AGBL1: variants seen among roughly 807,000 people sequenced by gnomAD.
The protein encoded by AGBL1 is cytosolic carboxypeptidase 4.
In AGBL1, 130 loss-of-function variants were observed where a neutral mutation model predicts 118.9. The ratio of observed to expected loss-of-function variants is 1.09; its 90% CI spans 0.95 to 1.26. The LOEUF (loss-of-function observed/expected upper bound fraction) is 1.26, where lower values mean the gene tolerates loss of function less well. AGBL1 is among the 50% of genes most tolerant of loss of function. The pLI is 0.00. For missense variants in AGBL1, 1,584 were observed against 1,298.1 expected (o/e 1.22, Z -3.38); for synonymous variants, 555 against 478.9 (o/e 1.16, Z -2.08).
chr15:86,624,988 C>T (rs998516), intron 21 of AGBL1, among the ~76,000 whole-genome samples: 34,255 of 152,068 alleles, frequency 0.23, 4,573 homozygotes, highest in East Asian at 0.43. Context: ...CGGAGGGGAT[C>T]GACATTTTGG....
At chr15:86,256,581 T>C (rs2078898567) in intron 7 of AGBL1, among the ~76,000 whole-genome samples, 1 of 152,226 alleles carries the variant, frequency 6.6e-6, no homozygotes, top group African/African-American at 2.4e-5. Flanking sequence ...ATTTTAAGTC[T>C]GTATTCAGAC....
intron 22 of AGBL1, among the ~76,000 whole-genome samples, chr15:86,738,501 C>G (rs1187140080): frequency 6.6e-6 from 1 of 152,176 alleles, no homozygotes; most frequent in Non-Finnish European, 1.5e-5. Context: ...ACCAAAAACT[C>G]TTAGAAATGG....
chr15:87,012,338 G>A (rs548811825), intron 24 of AGBL1, among the ~76,000 whole-genome samples: 3 of 132,302 alleles, frequency 2.3e-5, no homozygotes, highest in African/African-American at 4.4e-5. Context: ...CATATTTTTG[G>A]GGGGGTACTT....
intron 22 of AGBL1, among the ~76,000 whole-genome samples, chr15:86,716,477 TGTCATTG>T (rs944363745): frequency 2.0e-5 from 3 of 152,318 alleles, no homozygotes; most frequent in African/African-American, 7.2e-5. Flanking sequence ...GAGCTAAATG[TGTCATTG>T]GTAGTCACTG....
At position 86,864,805 on chromosome 15, in the gene AGBL1, G is replaced by A. The variant is rs114339937; in HGVS notation, c.3159-42282G>A. Among the ~76,000 whole-genome samples the A allele has an allele frequency of 3.3e-3, 497 of 152,282 alleles. 3 individuals are homozygous for A. Among genetic ancestry groups the A allele is most frequent in the African/African-American group, 0.011 (463 of 41,558 alleles). ...GTTACGATGCACAATCAACGGTGCA[G>A]CAAGTCGCCCTGGATTTCATACCAC... On this transcript the variant is annotated intron_variant, in intron 22 of 22. Transcript: ENST00000614907.
chr15:86,252,311 A>C (rs1444530364), intron 7 of AGBL1, among the ~76,000 whole-genome samples: 1 of 152,216 alleles, frequency 6.6e-6, no homozygotes, highest in African/African-American at 2.4e-5. Context: ...GACCTGTGTA[A>C]GGAGGGACTG....
At chr15:86,416,369 C>T (rs1040030727) in intron 18 of AGBL1, among the ~76,000 whole-genome samples, 3 of 152,122 alleles carry the variant, frequency 2.0e-5, no homozygotes, top group African/African-American at 4.8e-5. Context: ...AAAGCTTGGG[C>T]TGTGCTTTCC....
intron 1 of AGBL1, among the ~76,000 whole-genome samples, chr15:86,080,758 G>C (rs1895215346): frequency 6.6e-6 from 1 of 152,272 alleles, no homozygotes; most frequent in Non-Finnish European, 1.5e-5. Flanking sequence ...GAGCGTTAGA[G>C]TTTGAAAACT....
At chr15:86,548,750 A>C (rs2083622964) in intron 20 of AGBL1, among the ~76,000 whole-genome samples, 1 of 152,040 alleles carries the variant, frequency 6.6e-6, no homozygotes. Context: ...AGAAAAGCTA[A>C]GATAGGCTCT....
chr15:86,826,122 TTGTG>T (rs1411819118), intron 22 of AGBL1, among the ~76,000 whole-genome samples: 2 of 152,154 alleles, frequency 1.3e-5, no homozygotes, highest in African/African-American at 4.8e-5. Flanking sequence ...TTGTACTTAT[TTGTG>T]TGTGTATGTA....
At position 86,331,131 on chromosome 15, in the gene AGBL1, G is replaced by A. The variant is rs527756839; in HGVS notation, c.2374+35723G>A. Among the ~76,000 whole-genome samples, 22 of 151,116 alleles carry A rather than the reference G, an allele frequency of 1.5e-4. 1 individual carries two copies. In the East Asian group the frequency reaches 3.9e-3, roughly 27 times the overall value. On this transcript the variant is annotated intron_variant, in intron 17 of 22. Coordinates refer to ENST00000614907, the MANE Select transcript of AGBL1 (RefSeq NM_001386094.1). The stretch of plus-strand genomic sequence containing the variant: ...CCCAGCTACTCAGGAGGCTGAGGCA[G>A]GAGAATCACTTGAACCCAGGAGGCA...
intron 5 of AGBL1, among the ~76,000 whole-genome samples, chr15:86,223,502 T>A (rs1373315008): frequency 6.6e-6 from 1 of 152,188 alleles, no homozygotes; most frequent in South Asian, 2.1e-4. Flanking sequence ...ACACCTTCCA[T>A]GTGTTCCGTT....
chr15:86,412,771 C>T (rs2081640752), intron 18 of AGBL1, among the ~76,000 whole-genome samples: 2 of 152,150 alleles, frequency 1.3e-5, no homozygotes, highest in South Asian at 4.1e-4. Flanking sequence ...AAACCACTGC[C>T]ATCCCCACCA....
intron 19 of AGBL1, among the ~76,000 whole-genome samples, chr15:86,532,338 C>G (rs896148407): frequency 2.6e-5 from 4 of 151,478 alleles, no homozygotes; most frequent in Non-Finnish European, 5.9e-5. Flanking sequence ...AGAGCCAAAT[C>G]ATGAGTGAAC....
chr15:86,599,358 C>CT (rs2084459961), intron 21 of AGBL1, among the ~76,000 whole-genome samples: 1 of 151,904 alleles, frequency 6.6e-6, no homozygotes, highest in African/African-American at 2.4e-5. Context: ...TGCCATAAAG[C>CT]CCAGGGACAA....
intron 18 of AGBL1, among the ~76,000 whole-genome samples, chr15:86,467,754 G>A (rs2082425548): frequency 6.6e-6 from 1 of 152,130 alleles, no homozygotes; most frequent in South Asian, 2.1e-4. Flanking sequence ...CACTTCCTGG[G>A]TGAGGCGATG....
chr15:86,702,727 A>G (rs1596384605), intron 22 of AGBL1, among the ~76,000 whole-genome samples: 1 of 151,912 alleles, frequency 6.6e-6, no homozygotes, highest in Non-Finnish European at 1.5e-5. Flanking sequence ...TGCATCTCCT[A>G]TGTGTCTCCT....
chr15:86,991,093 A>G (rs753494892), intron 24 of AGBL1, among the ~76,000 whole-genome samples: 110 of 152,222 alleles, frequency 7.2e-4, no homozygotes, highest in African/African-American at 6.3e-4. Context: ...CCTGCAATGT[A>G]GTTTTTTATA....
intron 1 of AGBL1, among the ~76,000 whole-genome samples, chr15:86,137,034 CTTCT>C (rs1181573151): frequency 1.3e-5 from 2 of 152,162 alleles, no homozygotes; most frequent in Non-Finnish European, 2.9e-5. Flanking sequence ...CACATCCTGC[CTTCT>C]TTAACTGCTC....
Sources: allele counts gnomAD v4.1 joint callset (sites outside exome capture counted in the v4.1 genomes callset), GRCh38; gene constraint gnomAD v4.1.1; transcripts MANE v1.5; gene names NCBI Gene and HGNC (gene_info 2026-07-23, HGNC 2026-07-21).